Variants in MYO18B observed in about 807,000 individuals in gnomAD.
MYO18B encodes unconventional myosin-XVIIIb.
A neutral mutation model predicts 273.0 loss-of-function variants in MYO18B; 204 were observed. The observed-to-expected ratio is 0.75, with a 90% CI of 0.67 to 0.84. MYO18B has a LOEUF of 0.84. Ranked by LOEUF, MYO18B falls within the 40% of genes least tolerant of loss-of-function variation. The pLI is 0.00. For missense variants in MYO18B, 3,212 were observed against 3,287.6 expected (o/e 0.98, Z 0.56); for synonymous variants, 1,330 against 1,305.7 (o/e 1.02, Z -0.40).
intron 12 of MYO18B, among the ~76,000 whole-genome samples, chr22:25,810,076 T>C (rs1403502125): frequency 1.3e-5 from 2 of 150,746 alleles, no homozygotes; most frequent in African/African-American, 4.9e-5. Context: ...GTGAACAGTT[T>C]GGGGTATACC....
intron 39 of MYO18B, chr22:25,964,338 A>C (rs1569243372): frequency 2.0e-5 from 3 of 152,194 alleles, no homozygotes; most frequent in African/African-American, 7.2e-5. Flanking sequence ...AAAGAAACTA[A>C]AATCCAGACA....
chr22:25,898,577 C>T (rs1601515221), intron 29 of MYO18B, 116 bp downstream of exon 29: 5 of 1,093,254 alleles, frequency 4.6e-6, no homozygotes, highest in African/African-American at 1.6e-5. Context: ...TTGTTTTGCT[C>T]TAATCTTCCT....
In MYO18B at chr22:25,975,631, A is replaced by G. The variant is rs150835173; in HGVS notation, c.6157-16732A>G. The stretch of plus-strand genomic sequence containing the variant: ...GGCCAGATAGCTAGGAAAGATTGAC[A>G]CCAACATATGTGATCACTCCAAAAC... On this transcript the variant is annotated intron_variant, in intron 39 of 43. Transcript: ENST00000335473. 3.3e-5 allele frequency among the ~76,000 whole-genome samples: 5 copies of G among 152,366 alleles called. No homozygotes were observed. In the East Asian group the frequency reaches 9.6e-4, roughly 29 times the overall value.
rs768267626 is a variant in MYO18B, at chr22:25,828,847, G to T, written c.2858G>T (p.Arg953Leu). Reference protein sequence around the residue: ...VVDSPGFQNPRHQGKDRAATF... With the variant: ...VVDSPGFQNPLHQGKDRAATF... ...GACTCTCCAGGCTTCCAGAACCCCCGGCACCAGGGCAAGGACCGGGCGGCC... is the reference window on the plus strand; with the variant it reads ...GACTCTCCAGGCTTCCAGAACCCCCTGCACCAGGGCAAGGACCGGGCGGCC... The change falls in exon 15 of 44, where the codon CGG becomes CTG. Residue 953 changes from arginine to leucine, a missense_variant. Transcript: ENST00000335473. 6 of 1,613,638 alleles carry T rather than the reference G, an allele frequency of 3.7e-6. No individual in the cohort carries two copies. In the African/African-American group the frequency reaches 8.0e-5, roughly 22 times the overall value.
chr22:26,026,281 T>A (rs1936232887), intron 42 of MYO18B, among the ~76,000 whole-genome samples, 164 bp from the exon 43 acceptor site: 2 of 152,204 alleles, frequency 1.3e-5, no homozygotes, highest in Non-Finnish European at 2.9e-5. Context: ...TTTACATGGC[T>A]TGAATTTGCA....
chr22:25,752,044 A>G (rs2085943160), intron 1 of MYO18B, among the ~76,000 whole-genome samples: 1 of 152,154 alleles, frequency 6.6e-6, no homozygotes, highest in Non-Finnish European at 1.5e-5. Context: ...CTTTCCCATT[A>G]TGTGTGGATG....
intron 39 of MYO18B, among the ~76,000 whole-genome samples, chr22:25,979,297 G>A (rs1200277377): frequency 3.3e-5 from 5 of 152,334 alleles, no homozygotes; most frequent in African/African-American, 9.6e-5. Context: ...TGTGGGAAGT[G>A]TAGTGTCAGT....
At chr22:25,818,109 T>C (rs1360357836) in intron 12 of MYO18B, among the ~76,000 whole-genome samples, 1 of 152,214 alleles carries the variant, frequency 6.6e-6, no homozygotes, top group Non-Finnish European at 1.5e-5. Flanking sequence ...TCTCCTAATC[T>C]CCTTGCCTCC....
At chr22:25,816,533 C>T (rs1037110136) in intron 12 of MYO18B, among the ~76,000 whole-genome samples, 2 of 148,168 alleles carry the variant, frequency 1.3e-5, no homozygotes, top group Admixed American at 1.3e-4. Context: ...GTTGTGTTCC[C>T]CGCCCTGTGT....
intron 34 of MYO18B, among the ~76,000 whole-genome samples, chr22:25,943,506 T>C (rs2092668729): frequency 6.6e-6 from 1 of 152,068 alleles, no homozygotes; most frequent in South Asian, 2.1e-4. Context: ...CTCACAAGCC[T>C]CAGAGATGTG....
At chr22:25,887,008 C>A (rs568458615) in intron 25 of MYO18B, among the ~76,000 whole-genome samples, 1 of 152,314 alleles carries the variant, frequency 6.6e-6, no homozygotes, top group East Asian at 1.9e-4. Context: ...CTGTTTCTCA[C>A]CCAAGGGGTT....
intron 6 of MYO18B, 89 bp downstream of exon 6, chr22:25,771,073 G>A: frequency 2.1e-6 from 2 of 945,858 alleles, no homozygotes; most frequent in Non-Finnish European, 3.3e-6. Flanking sequence ...TCCTGCAAGA[G>A]ATTTCCTTGT....
At position 25,992,466 on chromosome 22, in the gene MYO18B, T is replaced by C; in HGVS notation, c.6260T>C (p.Val2087Ala). 6.2e-7 allele frequency: 1 copy of C among 1,613,968 alleles called. No individual in the cohort carries two copies. Among genetic ancestry groups the C allele is most frequent in the Non-Finnish European group, 8.5e-7 (1 of 1,179,876 alleles). The change falls in exon 40 of 44, where the codon GTG (valine) becomes GCG (alanine). Residue 2087 changes from valine to alanine, a missense_variant. Transcript: ENST00000335473. ...GACCTGCAGGCTGCCTTGGAAGAAG[T>C]GGCATCCAGTGACAGTGATACTGAG... is the stretch of plus-strand genomic sequence containing the variant. ...IADLQAALEE[V>A]ASSDSDTESV...
intron 18 of MYO18B, among the ~76,000 whole-genome samples, chr22:25,845,477 G>T (rs761534966): frequency 2.0e-5 from 3 of 152,022 alleles, no homozygotes; most frequent in Non-Finnish European, 4.4e-5. Context: ...AGATTGCACC[G>T]CTGCACTCCA....
Position 25,847,468 on chromosome 22 carries a change from C to T in MYO18B, c.3591C>T (p.His1197=), listed in dbSNP as rs1165623465. ...GCATGATCAAAAGGTCCCGGCTGCA[C>T]TTTATCCACTGCCTGGTACCAAACC... is the stretch of plus-strand genomic sequence containing the variant. ...LTSMIKRSRL[H]FIHCLVPNPV... The change falls in exon 20 of 44, where the codon CAC becomes CAT. Residue 1197 remains histidine, a synonymous_variant. Coordinates refer to ENST00000335473, the MANE Select transcript of MYO18B (RefSeq NM_032608.7). 6.3e-7 allele frequency: 1 copy of T among 1,580,484 alleles called. No individual in the cohort carries two copies.
intron 12 of MYO18B, among the ~76,000 whole-genome samples, chr22:25,822,095 C>A (rs573409699): frequency 4.4e-4 from 67 of 152,306 alleles, no homozygotes; most frequent in African/African-American, 1.5e-3. Context: ...AAGAGTGGCT[C>A]TCCATTGATT....
chr22:25,808,185 C>T (rs971060933), intron 12 of MYO18B, among the ~76,000 whole-genome samples: 9 of 152,054 alleles, frequency 5.9e-5, no homozygotes, highest in African/African-American at 1.7e-4. Flanking sequence ...CAGCAAGATA[C>T]GATTTCTCTG....
In MYO18B at chr22:25,841,195, G is replaced by A. The variant is rs563885994; in HGVS notation, c.3209-2540G>A. ...GACAGGCCCTCATCAACCTCCGAGT[G>A]TGACCTGCAGAGGCTGAGGGGGCCC... On this transcript the variant is annotated intron_variant, in intron 17 of 43. Coordinates refer to ENST00000335473, the MANE Select transcript of MYO18B (RefSeq NM_032608.7). 7.2e-4 allele frequency among the ~76,000 whole-genome samples: 109 copies of A among 152,310 alleles called. 5 individuals are homozygous for A. In the South Asian group the frequency reaches 0.022, roughly 31 times the overall value.
chr22:26,030,986 GATGA>G lies in MYO18B; in HGVS notation c.*561_*564del, dbSNP rs749959337. On this transcript the variant is annotated 3_prime_UTR_variant, in exon 44 of 44. Coordinates refer to ENST00000335473, the MANE Select transcript of MYO18B (RefSeq NM_032608.7). ...AGTGTGTACAAGCATTCAAGAAACT[GATGA>G]ATGATGAATGAATGAATGAGCCAAA... 5 of 398,544 alleles carry G rather than the reference GATGA, an allele frequency of 1.3e-5. No individual in the cohort carries two copies. The highest frequency in any genetic ancestry group is 8.2e-5 in the African/African-American group (4 of 48,734). 24.7% of individuals were successfully genotyped at this position (398,544 alleles called of 1,614,324 possible).
Sources: gnomAD v4.1 joint callset for allele counts (sites outside exome capture counted in the v4.1 genomes callset) on GRCh38, gnomAD v4.1.1 for gene constraint, MANE v1.5 for transcripts, NCBI Gene and HGNC (gene_info 2026-07-23, HGNC 2026-07-21) for gene names.